Variants in CRACR2A observed in about 807,000 individuals in gnomAD.
CRACR2A encodes EF-hand calcium-binding domain-containing protein 4B.
Under a neutral mutation model 90.5 loss-of-function variants are expected in CRACR2A, and 79 were observed. That is an observed-to-expected ratio of 0.87 (90% CI 0.73 to 1.05). The LOEUF (loss-of-function observed/expected upper bound fraction) is 1.05, where lower values mean the gene tolerates loss of function less well. CRACR2A is among the 50% of genes least tolerant of loss of function. CRACR2A has a pLI of 0.00. For synonymous variants in CRACR2A, 338 were observed against 356.7 expected (o/e 0.95, Z 0.59); for missense variants, 823 against 897.2 (o/e 0.92, Z 1.06).
chr12:3,671,818 A>G (rs953519188), intron 7 of CRACR2A, among the ~76,000 whole-genome samples: 5 of 152,202 alleles, frequency 3.3e-5, no homozygotes, highest in Non-Finnish European at 7.4e-5. Flanking sequence ...ACTGTTCCAA[A>G]TACTTACATG....
chr12:3,659,609 C>T lies in CRACR2A; in HGVS notation c.717G>A (p.Glu239=). 1.2e-6 allele frequency: 2 copies of T among 1,614,190 alleles called. No homozygotes were observed. Among genetic ancestry groups the T allele is most frequent in the Non-Finnish European group, 8.5e-7 (1 of 1,180,032 alleles). ...YDEEIQHLYE[E]MEQQIKSEKE... ...TCTCACTTTTGATTTGTTGTTCCAT[C>T]TCCTCATAGAGATGCTGGATTTCTT... is the stretch of plus-strand genomic sequence containing the variant. Residue 239 remains glutamate, a synonymous_variant, in exon 8 of 20, where the codon GAG becomes GAA. Transcript: ENST00000440314.
chr12:3,676,655 C>A (rs562164653), intron 6 of CRACR2A, among the ~76,000 whole-genome samples: 2 of 152,284 alleles, frequency 1.3e-5, no homozygotes, highest in Non-Finnish European at 2.9e-5. Context: ...CATCAGAGAG[C>A]AAATCTGCTG....
intron 4 of CRACR2A, among the ~76,000 whole-genome samples, chr12:3,685,276 C>A (rs1440185533): frequency 6.6e-6 from 1 of 152,190 alleles, no homozygotes; most frequent in Admixed American, 6.5e-5. Context: ...CAACTTGCAC[C>A]TTAAAATTAC....
rs1290923493 is a variant in CRACR2A, at chr12:3,633,111, A to G, written c.1735+493T>C. 6.6e-6 allele frequency among the ~76,000 whole-genome samples: 1 copy of G among 152,184 alleles called. No homozygotes were observed. The highest frequency in any genetic ancestry group is 1.5e-5 in the Non-Finnish European group (1 of 68,026). ...AGCAGGCTGGGGACTTAGGACAGAT[A>G]CAATGCGATGGGTAAAAGAAGCCAT... On this transcript the variant is annotated intron_variant, in intron 15 of 19. Transcript: ENST00000440314. This position sits in a 1 kb window ranked among gnomAD's most constrained non-coding sequence, Gnocchi z 4.5.
chr12:3,729,961 C>G (rs566900258), intron 2 of CRACR2A: 2 of 152,238 alleles, frequency 1.3e-5, no homozygotes, highest in East Asian at 1.9e-4. Context: ...TATTGCTGGT[C>G]TCCATGCAAT....
intron 18 of CRACR2A, 73 bp from the exon 19 acceptor site, chr12:3,617,103 C>A: frequency 8.8e-7 from 1 of 1,138,886 alleles, no homozygotes. Context: ...TGGGAGAGCC[C>A]CCTTGTGCAT....
At chr12:3,623,698 T>C (rs1431853259) in intron 17 of CRACR2A, among the ~76,000 whole-genome samples, 1 of 152,178 alleles carries the variant, frequency 6.6e-6, no homozygotes, top group East Asian at 1.9e-4. Flanking sequence ...GGTGACTTCC[T>C]ATAAGGCACT....
chr12:3,747,796 C>T (rs1291057304), intron 1 of CRACR2A, among the ~76,000 whole-genome samples: 1 of 152,218 alleles, frequency 6.6e-6, no homozygotes. Flanking sequence ...TGTCCTGGTG[C>T]ACCTGTAGCA....
At chr12:3,700,792 T>C (rs1219744540) in intron 3 of CRACR2A, among the ~76,000 whole-genome samples, 5 of 152,188 alleles carry the variant, frequency 3.3e-5, no homozygotes, top group African/African-American at 1.2e-4. Context: ...TCTCTCTCAA[T>C]AATTTATAAA....
At chr12:3,720,675 A>G (rs1946156820) in intron 2 of CRACR2A, among the ~76,000 whole-genome samples, 1 of 151,864 alleles carries the variant, frequency 6.6e-6, no homozygotes, top group Non-Finnish European at 1.5e-5. Context: ...CAGCCTCCCT[A>G]CCCCGAGCTT....
rs576199435 is a variant in CRACR2A at position 3,688,736 on chromosome 12, A to G, written c.228+8036T>C. On this transcript the variant is annotated intron_variant, in intron 4 of 19. Coordinates refer to ENST00000440314, the MANE Select transcript of CRACR2A (RefSeq NM_001144958.2). ...TAGTTCTGTGAATAATGTCCTTGGT[A>G]GTTTGACATGAATGGCATTGAATGT... Among the ~76,000 whole-genome samples, 9 of 152,340 alleles carry G rather than the reference A, an allele frequency of 5.9e-5. No homozygotes were observed. The East Asian group carries it at 1.5e-3, about 26-fold the overall frequency.
intron 2 of CRACR2A, among the ~76,000 whole-genome samples, chr12:3,717,544 C>G (rs1181550319): frequency 6.6e-6 from 1 of 152,144 alleles, no homozygotes; most frequent in African/African-American, 2.4e-5. Context: ...CCTGGACACA[C>G]CACCGACTGA....
Position 3,627,701 on chromosome 12 carries a change from C to T in CRACR2A, c.1741G>A (p.Asp581Asn). The T allele has an allele frequency of 6.4e-7, 1 of 1,551,766 alleles. No individual in the cohort carries two copies. Among genetic ancestry groups the T allele is most frequent in the African/African-American group, 1.4e-5 (1 of 73,172 alleles). The change falls in exon 16 of 20, where the codon GAT (aspartate) becomes AAT (asparagine). Residue 581 changes from aspartate to asparagine, a missense_variant. Physicochemically the swap from Asp to Asn is conservative, Grantham distance 23. Transcript: ENST00000440314. ...ACATTCAACGTCTTCACACGGTAAT[C>T]AATGCCTGCAGGGTGAAATGGGCCT... The part of the protein sequence containing the change: ...SPGMAATVGI[D>N]YRVKTLNVDN...
At chr12:3,699,718 C>T (rs1464992635) in intron 3 of CRACR2A, among the ~76,000 whole-genome samples, 1 of 152,192 alleles carries the variant, frequency 6.6e-6, no homozygotes, top group African/African-American at 2.4e-5. Context: ...CTAGAGAAGT[C>T]AGCTATGAGC....
intron 17 of CRACR2A, among the ~76,000 whole-genome samples, chr12:3,622,532 C>CT (rs1944167165): frequency 6.6e-6 from 1 of 152,208 alleles, no homozygotes; most frequent in Non-Finnish European, 1.5e-5. Context: ...TCACCCATCT[C>CT]TGACTTTAAA....
chr12:3,698,248 T>C (rs1472092791), intron 3 of CRACR2A, among the ~76,000 whole-genome samples: 1 of 152,238 alleles, frequency 6.6e-6, no homozygotes, highest in Non-Finnish European at 1.5e-5. Flanking sequence ...CGATGACATT[T>C]GGGTTTAAAA....
At chr12:3,707,269 T>A (rs553050723) in intron 3 of CRACR2A, among the ~76,000 whole-genome samples, 9 of 152,328 alleles carry the variant, frequency 5.9e-5, no homozygotes, top group African/African-American at 2.2e-4. Context: ...ATTTTCTTGT[T>A]CTAGTCTCAA....
At chr12:3,739,978 TA>T (rs1946500985) in intron 1 of CRACR2A, among the ~76,000 whole-genome samples, 1 of 151,674 alleles carries the variant, frequency 6.6e-6, no homozygotes, top group African/African-American at 2.4e-5. Context: ...CCCAGGGATA[TA>T]CCCCAGATTC....
At chr12:3,643,829 T>A (rs1200823238) in intron 12 of CRACR2A, among the ~76,000 whole-genome samples, 4 of 98,248 alleles carry the variant, frequency 4.1e-5, no homozygotes, top group Non-Finnish European at 7.6e-5. Flanking sequence ...ATATTATATA[T>A]AAATATATAT....
Sources: gnomAD v4.1 joint callset for allele counts (sites outside exome capture counted in the v4.1 genomes callset) on GRCh38, gnomAD v4.1.1 for gene constraint, Gnocchi (gnomAD v3.1) non-coding constraint, MANE v1.5 for transcripts, NCBI Gene and HGNC (gene_info 2026-07-23, HGNC 2026-07-21) for gene names.